The following GRIK1 variants were observed in gnomAD, a reference collection of about 807,000 sequenced individuals.
The protein encoded by GRIK1 is glutamate ionotropic receptor kainate type subunit 1.
A neutral mutation model predicts 105.7 loss-of-function variants in GRIK1; 69 were observed. That is an observed-to-expected ratio of 0.65 (90% CI 0.54 to 0.80). GRIK1 has a LOEUF of 0.80. Ranked by LOEUF, GRIK1 falls within the 30% of genes least tolerant of loss-of-function variation. GRIK1 has a pLI of 0.00. For synonymous variants in GRIK1, 438 were observed against 431.3 expected (o/e 1.02, Z -0.19); for missense variants, 1,109 against 1,167.3 (o/e 0.95, Z 0.73).
intron 12 of GRIK1, among the ~76,000 whole-genome samples, chr21:29,584,874 A>G (rs1039464918): frequency 6.6e-6 from 1 of 152,182 alleles, no homozygotes; most frequent in Non-Finnish European, 1.5e-5. Context: ...CATCTACTCA[A>G]CCAGAATTTT....
intron 14 of GRIK1, among the ~76,000 whole-genome samples, chr21:29,574,032 A>G (rs755386298): frequency 6.6e-6 from 1 of 152,204 alleles, no homozygotes; most frequent in Non-Finnish European, 1.5e-5. Flanking sequence ...AACTTTTTTC[A>G]TGTACGAAAT....
intron 12 of GRIK1, among the ~76,000 whole-genome samples, chr21:29,586,974 C>T (rs2091142837): frequency 6.6e-6 from 1 of 152,042 alleles, no homozygotes; most frequent in Non-Finnish European, 1.5e-5. Context: ...TCTTTGCTGA[C>T]TTTTTTATGT....
chr21:29,846,479 AAGAAAGAAAG>A (rs1211735050), intron 1 of GRIK1, among the ~76,000 whole-genome samples: 1 of 132,734 alleles, frequency 7.5e-6, no homozygotes, highest in Non-Finnish European at 1.7e-5. Context: ...GAAAGAAAGA[AAGAAAGAAAG>A]AAAGAAAGAA....
At chr21:29,910,935 C>A (rs192584749) in intron 1 of GRIK1, among the ~76,000 whole-genome samples, 10 of 152,108 alleles carry the variant, frequency 6.6e-5, no homozygotes, top group African/African-American at 2.4e-4. Flanking sequence ...TAAGTCTACA[C>A]TGGCAGAATA....
chr21:29,630,374 C>T (rs1165425465), intron 7 of GRIK1, among the ~76,000 whole-genome samples: 1 of 151,950 alleles, frequency 6.6e-6, no homozygotes, highest in Non-Finnish European at 1.5e-5. Flanking sequence ...TTGATTATGG[C>T]AAAGGGAAAG....
intron 1 of GRIK1, among the ~76,000 whole-genome samples, chr21:29,708,089 C>T (rs1322471610): frequency 6.6e-6 from 1 of 152,120 alleles, no homozygotes; most frequent in Non-Finnish European, 1.5e-5. Context: ...GAAGGCTGAG[C>T]AATTTATATG....
Position 29,673,101 on chromosome 21 carries a change from C to G in GRIK1, c.608G>C (p.Arg203Pro). ...ATCTTTATTCCCAGAGGGCAGCTGG[C>G]GGATTTTGATTTTAATATTATATCT... Reference protein sequence around the residue: ...PSRYNIKIKIRQLPSGNKDAK... With the variant: ...PSRYNIKIKIPQLPSGNKDAK... Residue 203 changes from arginine to proline, a missense_variant, in exon 4 of 18, where the codon CGC becomes CCC. Arg to Pro is a moderately radical substitution (Grantham distance 103, BLOSUM62 -2). Around this residue, in one of 5 missense-constraint regions of GRIK1, gnomAD observed 612 missense variants for 586.0 expected, o/e 1.04. Transcript: ENST00000327783. The G allele has an allele frequency of 6.2e-7, 1 of 1,612,086 alleles. No homozygotes were observed. Among genetic ancestry groups the G allele is most frequent in the Non-Finnish European group, 8.5e-7 (1 of 1,178,334 alleles).
At chr21:29,842,655 C>T (rs1288424644) in intron 1 of GRIK1, among the ~76,000 whole-genome samples, 2 of 152,130 alleles carry the variant, frequency 1.3e-5, no homozygotes, top group Non-Finnish European at 2.9e-5. Context: ...TTCTAATCAA[C>T]AAAAGAAAAG....
At chr21:29,799,262 C>T (rs1356914746) in intron 1 of GRIK1, among the ~76,000 whole-genome samples, 2 of 152,152 alleles carry the variant, frequency 1.3e-5, no homozygotes, top group Non-Finnish European at 2.9e-5. Context: ...GAATTGCAAC[C>T]GTTTTAAGAC....
chr21:29,684,417 A>T (rs2063447728), intron 3 of GRIK1, among the ~76,000 whole-genome samples: 1 of 152,204 alleles, frequency 6.6e-6, no homozygotes, highest in African/African-American at 2.4e-5. Context: ...ACTTATTTAT[A>T]TATCTATCTA....
intron 7 of GRIK1, among the ~76,000 whole-genome samples, chr21:29,606,251 T>C (rs1430463115): frequency 6.6e-6 from 1 of 152,194 alleles, no homozygotes; most frequent in Non-Finnish European, 1.5e-5. Context: ...TATAATTGTA[T>C]TGACCTATCG....
chr21:29,766,121 T>C (rs1191182063), intron 1 of GRIK1, among the ~76,000 whole-genome samples: 2 of 152,116 alleles, frequency 1.3e-5, no homozygotes, highest in Non-Finnish European at 2.9e-5. Context: ...AGTGCTGGGA[T>C]TACAGGCATG....
At chr21:29,824,740 C>A (rs2067401833) in intron 1 of GRIK1, among the ~76,000 whole-genome samples, 1 of 151,928 alleles carries the variant, frequency 6.6e-6, no homozygotes, top group Non-Finnish European at 1.5e-5. Flanking sequence ...TCAGGGACTG[C>A]TAGGTCATGG....
In GRIK1 at chr21:29,627,704, G is replaced by T. The variant is rs1227042921; in HGVS notation, c.1098+15122C>A. Reference sequence around the variant, plus strand: ...AATTTTGAAGGCTTTCCAAGTTTAGGAATTCCCTATTGGCCTGTGAATGTG... The same window carrying T: ...AATTTTGAAGGCTTTCCAAGTTTAGTAATTCCCTATTGGCCTGTGAATGTG... On this transcript the variant is annotated intron_variant, in intron 7 of 17. Transcript: ENST00000327783. Among the ~76,000 whole-genome samples the T allele has an allele frequency of 3.9e-4, 60 of 152,152 alleles. 2 individuals are homozygous for T. The highest frequency in any genetic ancestry group is 3.9e-3 in the Admixed American group (60 of 15,268).
At chr21:29,699,398 C>T (rs940092070) in intron 1 of GRIK1, among the ~76,000 whole-genome samples, 7 of 152,060 alleles carry the variant, frequency 4.6e-5, no homozygotes, top group African/African-American at 1.7e-4. Context: ...CACAGATATA[C>T]CAGGGACTTG....
Position 29,939,687 on chromosome 21 carries a change from C to G in GRIK1, c.-187G>C. On this transcript the variant is annotated 5_prime_UTR_variant, in exon 1 of 18. Coordinates refer to ENST00000327783, the MANE Select transcript of GRIK1 (RefSeq NM_001330994.2). ...CGCGGAGCTGGCTGGCAAGGCTGAG[C>G]TCTCTCGGGGCTCCTCAGTGCTGTC... 1 of 517,482 alleles carries G rather than the reference C, an allele frequency of 1.9e-6. No homozygotes were observed. 32.1% of individuals were successfully genotyped at this position (517,482 alleles called of 1,614,324 possible).
At chr21:29,910,847 A>G (rs1035747332) in intron 1 of GRIK1, among the ~76,000 whole-genome samples, 1 of 152,038 alleles carries the variant, frequency 6.6e-6, no homozygotes, top group Admixed American at 6.6e-5. Context: ...TCTCTTGCCT[A>G]TGAGAAAGCA....
At chr21:29,775,446 G>A (rs944242213) in intron 1 of GRIK1, among the ~76,000 whole-genome samples, 1 of 152,074 alleles carries the variant, frequency 6.6e-6, no homozygotes, top group Admixed American at 6.6e-5. Context: ...AGCTACCAAG[G>A]AGCTCAGTTG....
At chr21:29,845,144 C>T (rs935253548) in intron 1 of GRIK1, among the ~76,000 whole-genome samples, 3 of 151,958 alleles carry the variant, frequency 2.0e-5, no homozygotes, top group African/African-American at 7.3e-5. Context: ...ACAATGGGTG[C>T]CTATCTAGAA....
Sources: allele counts gnomAD v4.1 joint callset (sites outside exome capture counted in the v4.1 genomes callset), GRCh38; gene constraint gnomAD v4.1.1; regional missense constraint gnomAD v4.1.1; transcripts MANE v1.5; gene names NCBI Gene and HGNC (gene_info 2026-07-23, HGNC 2026-07-21).